The following CNTN4 variants were observed in gnomAD, a reference collection of about 807,000 sequenced individuals.
The protein encoded by CNTN4 is contactin 4, also known as contactin-4.
CNTN4 carries 77 observed loss-of-function variants against 122.5 expected under a neutral mutation model. The observed-to-expected ratio is 0.63, with a 90% confidence interval of 0.52 to 0.76. The LOEUF is 0.76. Among genes scored for constraint, CNTN4 ranks in the 30% least tolerant of loss-of-function variants. CNTN4 has a pLI of 0.00. For missense variants in CNTN4, 1,256 were observed against 1,259.1 expected (o/e 1.00, Z 0.04); for synonymous variants, 512 against 447.0 (o/e 1.15, Z -1.83).
At chr3:2,210,232 A>G (rs1052352537) in intron 2 of CNTN4, among the ~76,000 whole-genome samples, 15 of 152,212 alleles carry the variant, frequency 9.9e-5, no homozygotes, top group African/African-American at 3.4e-4. Context: ...ATTTACCTAC[A>G]TGAAAAGATG....
chr3:2,361,041 T>G (rs2045113620), intron 3 of CNTN4, among the ~76,000 whole-genome samples: 4 of 152,228 alleles, frequency 2.6e-5, no homozygotes, highest in African/African-American at 9.7e-5. Context: ...TTGTTGCTTT[T>G]CTTAAGCAGT....
At chr3:3,032,214 AT>A (rs1197802202) in intron 16 of CNTN4, among the ~76,000 whole-genome samples, 1 of 152,216 alleles carries the variant, frequency 6.6e-6, no homozygotes, top group East Asian at 1.9e-4. Flanking sequence ...GTTTATTTCC[AT>A]TTGAAAATAC....
intron 4 of CNTN4, among the ~76,000 whole-genome samples, chr3:2,608,436 G>A (rs1306162455): frequency 6.6e-6 from 1 of 151,620 alleles, no homozygotes; most frequent in East Asian, 1.9e-4. Context: ...CTACAGCCTG[G>A]GCAACATAGT....
chr3:2,770,205 T>A (rs1320666429), intron 6 of CNTN4, among the ~76,000 whole-genome samples: 1 of 152,092 alleles, frequency 6.6e-6, no homozygotes, highest in African/African-American at 2.4e-5. Context: ...AACGTTTGTA[T>A]TTTTAGTAGA....
intron 4 of CNTN4, among the ~76,000 whole-genome samples, chr3:2,630,475 GTATATC>G (rs1432669408): frequency 6.6e-6 from 1 of 152,092 alleles, no homozygotes; most frequent in Non-Finnish European, 1.5e-5. Context: ...TTTACAATCT[GTATATC>G]TATCTTACTA....
intron 3 of CNTN4, among the ~76,000 whole-genome samples, chr3:2,510,215 G>T (rs986055353): frequency 3.3e-5 from 5 of 152,138 alleles, no homozygotes; most frequent in African/African-American, 1.2e-4. Context: ...CTATTACGAG[G>T]TGTAAGCACC....
intron 3 of CNTN4, among the ~76,000 whole-genome samples, chr3:2,435,688 C>G (rs2048234840): frequency 6.6e-6 from 1 of 152,118 alleles, no homozygotes; most frequent in Admixed American, 6.6e-5. Context: ...ATAAGAGAAG[C>G]AGATAATCTA....
intron 4 of CNTN4, among the ~76,000 whole-genome samples, chr3:2,673,554 G>T (rs1420511794): frequency 6.6e-6 from 1 of 151,854 alleles, no homozygotes; most frequent in Non-Finnish European, 1.5e-5. Flanking sequence ...TTTTTGTTTT[G>T]TTTCGAGGTG....
chr3:2,418,961 C>T lies in CNTN4; in HGVS notation c.-89+79728C>T, dbSNP rs145669174. Among the ~76,000 whole-genome samples, 87 of 152,238 alleles carry T rather than the reference C, an allele frequency of 5.7e-4. 2 individuals are homozygous for T. In the East Asian group the frequency reaches 0.015, roughly 27 times the overall value. On this transcript the variant is annotated intron_variant, in intron 3 of 24. Transcript: ENST00000418658. Reference sequence around the variant, plus strand: ...TTTGGATCTCATGCCAGGACAAGGGCACTGATGCCCAAAAAGATAAAGGCC... The same window carrying T: ...TTTGGATCTCATGCCAGGACAAGGGTACTGATGCCCAAAAAGATAAAGGCC...
chr3:2,409,520 T>C (rs1039260467), intron 3 of CNTN4, among the ~76,000 whole-genome samples: 1 of 152,150 alleles, frequency 6.6e-6, no homozygotes, highest in Non-Finnish European at 1.5e-5. Context: ...GTGCTGAGAT[T>C]ACAGGCGTGA....
chr3:2,620,127 A>C (rs1458998020), intron 4 of CNTN4, among the ~76,000 whole-genome samples: 1 of 152,204 alleles, frequency 6.6e-6, no homozygotes, highest in African/African-American at 2.4e-5. Context: ...ACAATGCCAT[A>C]CCATATGAAA....
At chr3:2,806,565 G>A (rs905989527) in intron 6 of CNTN4, among the ~76,000 whole-genome samples, 53 of 152,198 alleles carry the variant, frequency 3.5e-4, no homozygotes, top group Admixed American at 3.5e-3. Context: ...TATCAAATCA[G>A]TGTGGATTTC....
intron 21 of CNTN4, among the ~76,000 whole-genome samples, 183 bp downstream of exon 21, chr3:3,042,605 A>G (rs554655877): frequency 3.7e-4 from 57 of 152,250 alleles, no homozygotes; most frequent in African/African-American, 1.3e-3. Context: ...CCCTTTTTCT[A>G]TGTTATATTC....
chr3:2,197,537 T>C (rs2037903743), intron 2 of CNTN4, among the ~76,000 whole-genome samples: 1 of 152,146 alleles, frequency 6.6e-6, no homozygotes, highest in South Asian at 2.1e-4. Context: ...ATTTTATAAA[T>C]GGGAAGATGG....
chr3:2,517,337 A>T lies in CNTN4; in HGVS notation c.-88-54079A>T, dbSNP rs58071071. Among the ~76,000 whole-genome samples, 959 of 152,258 alleles carry T rather than the reference A, an allele frequency of 6.3e-3. 14 individuals are homozygous for T. The highest frequency in any genetic ancestry group is 0.022 in the African/African-American group (897 of 41,564). On this transcript the variant is annotated intron_variant, in intron 3 of 24. Transcript: ENST00000418658. ...AAATATGTATTTATGGAAACTATAT[A>T]GCAGTTTTTACAGGCTGCCAGTAAA... is the stretch of plus-strand genomic sequence containing the variant.
intron 2 of CNTN4, among the ~76,000 whole-genome samples, chr3:2,122,072 G>C (rs1574875449): frequency 6.6e-6 from 1 of 151,696 alleles, no homozygotes; most frequent in African/African-American, 2.4e-5. Flanking sequence ...GGAGAATGGC[G>C]GGAACCCGGG....
intron 3 of CNTN4, among the ~76,000 whole-genome samples, chr3:2,536,527 G>T (rs535247134): frequency 6.6e-6 from 1 of 151,938 alleles, no homozygotes; most frequent in Non-Finnish European, 1.5e-5. Context: ...TCCTATCGAG[G>T]TGAGGTCATA....
intron 4 of CNTN4, among the ~76,000 whole-genome samples, chr3:2,615,075 A>T (rs2149861614): frequency 6.6e-6 from 1 of 152,196 alleles, no homozygotes; most frequent in South Asian, 2.1e-4. Flanking sequence ...AGAAAGTTTT[A>T]TGTTATTAGC....
chr3:2,717,884 C>G (rs2087598092), intron 4 of CNTN4, among the ~76,000 whole-genome samples: 1 of 152,138 alleles, frequency 6.6e-6, no homozygotes, highest in Non-Finnish European at 1.5e-5. Context: ...GAAGTGCTAT[C>G]TCATTTGATT....
Sources: gnomAD v4.1 joint callset for allele counts (sites outside exome capture counted in the v4.1 genomes callset) on GRCh38, gnomAD v4.1.1 for gene constraint, MANE v1.5 for transcripts, NCBI Gene and HGNC (gene_info 2026-07-23, HGNC 2026-07-21) for gene names.